The following GPC5 variants were observed in gnomAD, a reference collection of about 807,000 sequenced individuals.
GPC5 encodes the protein glypican 5.
Under a neutral mutation model 53.9 loss-of-function variants are expected in GPC5, and 47 were observed. The ratio of observed to expected loss-of-function variants is 0.87; its 90% CI spans 0.69 to 1.11. The LOEUF (loss-of-function observed/expected upper bound fraction) is 1.11, where lower values mean the gene tolerates loss of function less well. Ranked by LOEUF, GPC5 falls within the 50% of genes most tolerant of loss-of-function variation. GPC5 has a pLI of 0.00. For synonymous variants in GPC5, 286 were observed against 263.3 expected (o/e 1.09, Z -0.84); for missense variants, 748 against 713.1 (o/e 1.05, Z -0.56).
At chr13:92,122,740 CTTTTTTTTT>C (rs3058805) in intron 6 of GPC5, among the ~76,000 whole-genome samples, 3 of 67,084 alleles carry the variant, frequency 4.5e-5, no homozygotes, top group Non-Finnish European at 8.0e-5. Flanking sequence ...ATAGGTCAGT[CTTTTTTTTT>C]TTTTTTTTTT....
At chr13:92,562,248 C>CTG (rs964681272) in intron 7 of GPC5, among the ~76,000 whole-genome samples, 30 of 152,078 alleles carry the variant, frequency 2.0e-4, no homozygotes, top group African/African-American at 7.0e-4. Flanking sequence ...CACCCTTACG[C>CTG]TGTGCATTTT....
intron 7 of GPC5, among the ~76,000 whole-genome samples, chr13:92,519,162 C>A (rs1341097927): frequency 6.6e-6 from 1 of 152,168 alleles, no homozygotes; most frequent in Non-Finnish European, 1.5e-5. Flanking sequence ...GACTTAGACT[C>A]CCACACAATA....
At chr13:92,050,487 A>C (rs1252523897) in intron 6 of GPC5, among the ~76,000 whole-genome samples, 1 of 152,184 alleles carries the variant, frequency 6.6e-6, no homozygotes, top group Non-Finnish European at 1.5e-5. Flanking sequence ...GAAATCTTGA[A>C]TCTGAACATG....
At chr13:91,584,494 T>C (rs951268201) in intron 2 of GPC5, among the ~76,000 whole-genome samples, 3 of 152,202 alleles carry the variant, frequency 2.0e-5, no homozygotes, top group African/African-American at 7.2e-5. Context: ...AATATCTTCA[T>C]AATTTTAGGA....
chr13:92,808,095 C>G (rs934249693), intron 7 of GPC5, among the ~76,000 whole-genome samples: 4 of 152,042 alleles, frequency 2.6e-5, no homozygotes, highest in Non-Finnish European at 5.9e-5. Flanking sequence ...ACATTTCCAA[C>G]AGTACATACC....
At chr13:91,639,262 GA>G (rs1346216936) in intron 2 of GPC5, among the ~76,000 whole-genome samples, 6 of 152,198 alleles carry the variant, frequency 3.9e-5, no homozygotes, top group East Asian at 3.9e-4. Context: ...TCAAATGTGA[GA>G]AAAAAATAGC....
At chr13:92,381,962 G>GTATC (rs58251052) in intron 7 of GPC5, among the ~76,000 whole-genome samples, 1,263 of 126,270 alleles carry the variant, frequency 0.01, 18 homozygotes, top group African/African-American at 0.029. Context: ...ATGTATGTAT[G>GTATC]TATCTATCTA....
chr13:92,725,792 T>A (rs1888630057), intron 7 of GPC5, among the ~76,000 whole-genome samples: 1 of 151,630 alleles, frequency 6.6e-6, no homozygotes, highest in African/African-American at 2.4e-5. Flanking sequence ...AAAATTTAGA[T>A]CTAAATTGGA....
chr13:91,423,822 T>A (rs1465571576), intron 1 of GPC5, among the ~76,000 whole-genome samples: 1 of 152,250 alleles, frequency 6.6e-6, no homozygotes, highest in Non-Finnish European at 1.5e-5. Flanking sequence ...TGTGAATGTT[T>A]TGTGCTCACA....
intron 7 of GPC5, among the ~76,000 whole-genome samples, chr13:92,802,260 A>G (rs1198806729): frequency 2.6e-5 from 4 of 152,010 alleles, no homozygotes; most frequent in Admixed American, 6.6e-5. Context: ...GCTAGGAGCA[A>G]TAGCCTAGGT....
chr13:92,294,813 C>CTTT (rs1167990988), intron 7 of GPC5, among the ~76,000 whole-genome samples: 10 of 103,930 alleles, frequency 9.6e-5, no homozygotes, highest in African/African-American at 2.5e-4. Flanking sequence ...CTGTTTCTTT[C>CTTT]TTTTTTTTTT....
intron 2 of GPC5, among the ~76,000 whole-genome samples, chr13:91,652,134 T>C (rs183760551): frequency 6.6e-6 from 1 of 152,320 alleles, no homozygotes; most frequent in East Asian, 1.9e-4. Context: ...CCTCTGATAG[T>C]CCTGATCTCA....
At chr13:92,515,020 T>C (rs1227312063) in intron 7 of GPC5, among the ~76,000 whole-genome samples, 1 of 151,964 alleles carries the variant, frequency 6.6e-6, no homozygotes, top group Non-Finnish European at 1.5e-5. Context: ...TAAGCAAAAA[T>C]GGTGAAAGTT....
intron 7 of GPC5, among the ~76,000 whole-genome samples, chr13:92,777,768 G>C (rs538982370): frequency 1.4e-4 from 21 of 152,184 alleles, no homozygotes; most frequent in Non-Finnish European, 2.5e-4. Flanking sequence ...TCTCTCCAGA[G>C]CACAGTGGAG....
chr13:92,570,462 T>G (rs1045426022), intron 7 of GPC5, among the ~76,000 whole-genome samples: 28 of 152,152 alleles, frequency 1.8e-4, no homozygotes, highest in African/African-American at 6.5e-4. Flanking sequence ...AGAATTTAGT[T>G]TGGCTTCCTC....
At chr13:91,515,434 A>G (rs1885447082) in intron 2 of GPC5, among the ~76,000 whole-genome samples, 1 of 152,190 alleles carries the variant, frequency 6.6e-6, no homozygotes, top group Non-Finnish European at 1.5e-5. Context: ...TTGAGATGAC[A>G]TTCAGTCCTT....
chr13:91,545,000 G>T (rs1014414132), intron 2 of GPC5, among the ~76,000 whole-genome samples: 1 of 152,118 alleles, frequency 6.6e-6, no homozygotes, highest in Non-Finnish European at 1.5e-5. Flanking sequence ...CTTTCCCCAG[G>T]GGTCTAACAA....
chr13:92,427,865 GGAA>G (rs1468409799), intron 7 of GPC5, among the ~76,000 whole-genome samples: 2 of 152,034 alleles, frequency 1.3e-5, no homozygotes, highest in Non-Finnish European at 2.9e-5. Context: ...AATTAAGTAA[GGAA>G]GAAGTGTTTG....
chr13:92,372,410 C>A (rs1301391529), intron 7 of GPC5, among the ~76,000 whole-genome samples: 2 of 151,888 alleles, frequency 1.3e-5, no homozygotes, highest in African/African-American at 4.8e-5. Context: ...CTGTAAACAA[C>A]CTTCATCTTC....
Sources: gnomAD v4.1 joint callset for allele counts (sites outside exome capture counted in the v4.1 genomes callset) on GRCh38, gnomAD v4.1.1 for gene constraint, MANE v1.5 for transcripts, NCBI Gene and HGNC (gene_info 2026-07-23, HGNC 2026-07-21) for gene names.